The following ITGB6 variants were observed in gnomAD, a reference collection of about 807,000 sequenced individuals.
ITGB6 encodes integrin subunit beta 6.
In ITGB6, 80 loss-of-function variants were observed where a neutral mutation model predicts 84.5. The ratio of observed to expected loss-of-function variants is 0.95; its 90% confidence interval spans 0.79 to 1.14. The LOEUF is 1.14. Among genes scored for constraint, ITGB6 ranks in the 50% most tolerant of loss-of-function variants. The probability of loss-of-function intolerance (pLI) is 0.00; values close to 1 mark genes in which losing one functional copy is unlikely to be tolerated. For synonymous variants in ITGB6, 383 were observed against 354.9 expected, an observed-to-expected ratio of 1.08 and a Z score of -0.89; for missense variants, 1,006 against 968.0, an observed-to-expected ratio of 1.04 and a Z score of -0.52.
intron 4 of ITGB6, among the ~76,000 whole-genome samples, chr2:160,188,750 T>C (rs1486006477): frequency 6.6e-6 from 1 of 152,016 alleles, no homozygotes; most frequent in African/African-American, 2.4e-5. Context: ...ATTACAGGCA[T>C]GTGCCCCCAT....
chr2:160,126,661 G>T, intron 10 of ITGB6, 60 bp from the exon 11 acceptor site: 1 of 1,472,456 alleles, frequency 6.8e-7, no homozygotes, highest in Non-Finnish European at 9.4e-7. Context: ...ATTTGAGGGG[G>T]TGAGGGGCAT....
chr2:160,189,845 C>T (rs1485448755), intron 4 of ITGB6, among the ~76,000 whole-genome samples: 2 of 152,142 alleles, frequency 1.3e-5, no homozygotes, highest in Non-Finnish European at 2.9e-5. Context: ...CCAGCCATCC[C>T]ATTACTGGGT....
intron 3 of ITGB6, among the ~76,000 whole-genome samples, chr2:160,195,925 AG>A (rs1423131386): frequency 6.6e-6 from 1 of 152,224 alleles, no homozygotes; most frequent in Non-Finnish European, 1.5e-5. Context: ...AATAAAAGAG[AG>A]TTTAAATCTA....
chr2:160,105,411 C>T (rs1352435035), intron 14 of ITGB6, among the ~76,000 whole-genome samples: 1 of 152,106 alleles, frequency 6.6e-6, no homozygotes. Context: ...AATCACTTGT[C>T]AGTATTTATG....
chr2:160,113,950 G>A (rs1237179990), intron 12 of ITGB6, among the ~76,000 whole-genome samples: 1 of 152,050 alleles, frequency 6.6e-6, no homozygotes, highest in African/African-American at 2.4e-5. Context: ...CCCTCTCTGT[G>A]GGAACAGCCC....
intron 2 of ITGB6, 46 bp from the exon 3 acceptor site, chr2:160,196,466 C>G: frequency 6.7e-7 from 1 of 1,500,944 alleles, no homozygotes; most frequent in East Asian, 2.3e-5. Flanking sequence ...GAAAACAAAT[C>G]TGAATTTCTT....
At chr2:160,134,064 C>A (rs372380976) in intron 10 of ITGB6, among the ~76,000 whole-genome samples, 2 of 152,144 alleles carry the variant, frequency 1.3e-5, no homozygotes, top group East Asian at 1.9e-4. Context: ...CAGAGCAGAA[C>A]TGAAGGAAAC....
chr2:160,171,398 G>A (rs1276358055), intron 6 of ITGB6, among the ~76,000 whole-genome samples: 2 of 149,026 alleles, frequency 1.3e-5, no homozygotes, highest in African/African-American at 5.0e-5. Context: ...GCAGTGGTGC[G>A]ATCTTGGCTC....
chr2:160,117,774 T>C (rs1164051091), intron 12 of ITGB6, among the ~76,000 whole-genome samples: 1 of 151,894 alleles, frequency 6.6e-6, no homozygotes, highest in Non-Finnish European at 1.5e-5. Flanking sequence ...CTAGCAAGAC[T>C]AATAAAGAAG....
At chr2:160,150,045 C>T (rs1684350377) in intron 7 of ITGB6, among the ~76,000 whole-genome samples, 1 of 152,142 alleles carries the variant, frequency 6.6e-6, no homozygotes. Context: ...AGGATATTAT[C>T]CAGGAGAACT....
In ITGB6 at chr2:160,126,574, C is replaced by T; in HGVS notation, c.1688G>A (p.Cys563Tyr). ...GCCAGTCCAGCCGCTCCTGCACACA[C>T]ATTCACCACAGTCACAGTCGCCGTT... Reference protein sequence around the residue: ...GGNGDCDCGECVCRSGWTGEY... With the variant: ...GGNGDCDCGEYVCRSGWTGEY... The change falls in exon 11 of 15, where the codon TGT becomes TAT. Residue 563 changes from cysteine (C) to tyrosine (Y), a missense_variant. Transcript: ENST00000283249. The T allele has an allele frequency of 6.2e-7, 1 of 1,613,732 alleles. No homozygotes were observed.
chr2:160,164,434 G>C (rs7563802), intron 7 of ITGB6, among the ~76,000 whole-genome samples: 19,390 of 152,200 alleles, frequency 0.13, 2,399 homozygotes, highest in East Asian at 0.45. Context: ...GCTCACACCT[G>C]TAATCCCAGC....
intron 7 of ITGB6, among the ~76,000 whole-genome samples, chr2:160,166,174 C>T (rs969282140): frequency 1.3e-5 from 2 of 152,162 alleles, no homozygotes; most frequent in African/African-American, 4.8e-5. Flanking sequence ...TTCTCTCATG[C>T]TTTAGAAACA....
intron 6 of ITGB6, among the ~76,000 whole-genome samples, chr2:160,169,952 G>C (rs1018036453): frequency 3.3e-5 from 5 of 152,158 alleles, no homozygotes; most frequent in Admixed American, 2.0e-4. Flanking sequence ...TATGTGTACT[G>C]TATAAAAAAT....
intron 10 of ITGB6, among the ~76,000 whole-genome samples, chr2:160,135,600 A>G (rs559099699): frequency 6.6e-6 from 1 of 151,942 alleles, no homozygotes; most frequent in South Asian, 2.1e-4. Context: ...TGCCAAGTCA[A>G]TCCTAAGCCA....
rs772215000 is a variant in ITGB6, at chr2:160,101,825, G to A, written c.2278C>T (p.Pro760Ser). Residue 760 changes from proline to serine, a missense_variant, in exon 15 of 15, where the codon CCA becomes TCA. Pro to Ser is a moderately conservative substitution (Grantham distance 74, BLOSUM62 -1). Transcript: ENST00000283249. ...SKAKWQTGTN[P>S]LYRGSTSTFK... Reference sequence around the variant, plus strand: ...GTACTTGTGGATCCTCTGTAGAGTGGATTGGTTCCCTGGAAAAAAAAAAAA... The same window carrying A: ...GTACTTGTGGATCCTCTGTAGAGTGAATTGGTTCCCTGGAAAAAAAAAAAA... 3.3e-6 allele frequency: 5 copies of A among 1,502,442 alleles called. No individual in the cohort carries two copies. The highest frequency in any genetic ancestry group is 1.2e-5 in the South Asian group (1 of 84,110). The allele number at this position is 1,502,442 out of a possible 1,614,324, so 93.1% of individuals were successfully genotyped here.
In ITGB6 at chr2:160,107,651, C is replaced by T. The variant is rs11888415; in HGVS notation, c.2268+28G>A. 1,800 of 1,609,558 alleles carry T rather than the reference C, an allele frequency of 1.1e-3. 9 individuals are homozygous for T. In the African/African-American group the frequency reaches 0.022, roughly 19 times the overall value. ...TCCACCAGCCTCTTTCTCCCCTAGA[C>T]AAGGAGTAGCCCTAAGTTTCCACAT... On this transcript the variant is annotated intron_variant, in intron 14 of 14. Transcript: ENST00000283249.
chr2:160,164,991 G>A (rs1455067215), intron 7 of ITGB6, among the ~76,000 whole-genome samples: 1 of 152,116 alleles, frequency 6.6e-6, no homozygotes, highest in Non-Finnish European at 1.5e-5. Flanking sequence ...GAAAGTGTAG[G>A]CAGCTGGCCC....
intron 4 of ITGB6, among the ~76,000 whole-genome samples, chr2:160,181,089 C>A (rs189098199): frequency 6.6e-6 from 1 of 152,132 alleles, no homozygotes; most frequent in African/African-American, 2.4e-5. Flanking sequence ...AGCTAGCTGC[C>A]GGAGTTTTTT....
Sources: allele counts gnomAD v4.1 joint callset (sites outside exome capture counted in the v4.1 genomes callset), GRCh38; gene constraint gnomAD v4.1.1; transcripts MANE v1.5; gene names NCBI Gene and HGNC (gene_info 2026-07-23, HGNC 2026-07-21).